LINGO2: variants seen among roughly 807,000 people sequenced by gnomAD.
LINGO2 encodes the protein leucine-rich repeat and immunoglobulin-like domain-containing nogo receptor-interacting protein 2.
LINGO2 carries 14 observed loss-of-function variants against 30.6 expected under a neutral mutation model. The ratio of observed to expected loss-of-function variants is 0.46; its 90% CI spans 0.30 to 0.72. LINGO2 has a LOEUF of 0.72. Among genes scored for constraint, LINGO2 ranks in the 30% least tolerant of loss-of-function variants. LINGO2 has a pLI of 0.07. For missense variants in LINGO2, 729 were observed against 751.7 expected, an observed-to-expected ratio of 0.97 and a Z score of 0.35; for synonymous variants, 317 against 288.5, an observed-to-expected ratio of 1.10 and a Z score of -1.00.
At chr9:28,131,674 A>T (rs1184125702) in intron 4 of LINGO2, among the ~76,000 whole-genome samples, 2 of 152,134 alleles carry the variant, frequency 1.3e-5, no homozygotes, top group Non-Finnish European at 2.9e-5. Context: ...TAATAATCAG[A>T]TGCTTCCAGG....
At chr9:28,185,285 A>G (rs899519211) in intron 4 of LINGO2, among the ~76,000 whole-genome samples, 1 of 152,208 alleles carries the variant, frequency 6.6e-6, no homozygotes, top group South Asian at 2.1e-4. Context: ...TCAATTTTAC[A>G]TAATGCAAGG....
intron 4 of LINGO2, among the ~76,000 whole-genome samples, chr9:28,199,351 T>TCCTCC (rs1290385489): frequency 3.3e-5 from 5 of 149,894 alleles, no homozygotes; most frequent in African/African-American, 7.3e-5. Flanking sequence ...CTTCTTTTTT[T>TCCTCC]TTTTTTGAGA....
rs566100330 is a variant in LINGO2 at position 27,986,891 on chromosome 9, G to A, written c.-36+25464C>T. Among the ~76,000 whole-genome samples, 5 of 151,942 alleles carry A rather than the reference G, an allele frequency of 3.3e-5. No homozygotes were observed. The South Asian group carries it at 1.0e-3, about 32-fold the overall frequency. On this transcript the variant is annotated intron_variant, in intron 5 of 5. Transcript: ENST00000379992. ...GGGGATGTTCTACTATCCAAGAAGA[G>A]GAAGAGCATAAAAGAGGGCTGGCTC...
intron 5 of LINGO2, among the ~76,000 whole-genome samples, chr9:27,975,877 GT>G (rs146110401): frequency 0.017 from 2,535 of 152,090 alleles, 112 homozygotes; most frequent in East Asian, 0.16. Context: ...TGTCTTTTGT[GT>G]TACATTTTCA....
the LINGO2 span, among the ~76,000 whole-genome samples, chr9:29,115,045 A>T: frequency 6.6e-6 from 1 of 152,102 alleles, no homozygotes; most frequent in East Asian, 1.9e-4. Flanking sequence ...ATAATTAGAC[A>T]TTTTTGTCTT....
chr9:28,526,055 C>CA (rs58629857), intron 1 of LINGO2, among the ~76,000 whole-genome samples: 6,081 of 48,234 alleles, frequency 0.13, 811 homozygotes, highest in Non-Finnish European at 0.16. Context: ...GACTCCGTCT[C>CA]AAAAAAAAAA....
chr9:28,991,389 T>C, the LINGO2 span, among the ~76,000 whole-genome samples: 4 of 151,486 alleles, frequency 2.6e-5, no homozygotes, highest in Admixed American at 1.3e-4. Flanking sequence ...CTACGTCTGA[T>C]TGGTGTACCT....
intron 2 of LINGO2, among the ~76,000 whole-genome samples, chr9:28,379,323 G>A (rs1821250661): frequency 6.6e-6 from 1 of 152,034 alleles, no homozygotes; most frequent in South Asian, 2.1e-4. Context: ...CTATTGACAA[G>A]GCTGGCAAAT....
At chr9:28,191,489 A>C (rs1259030256) in intron 4 of LINGO2, among the ~76,000 whole-genome samples, 44 of 152,160 alleles carry the variant, frequency 2.9e-4, no homozygotes, top group Non-Finnish European at 5.9e-5. Flanking sequence ...ATAAAATAAA[A>C]TCACTTGGCT....
chr9:28,849,310 C>T, the LINGO2 span, among the ~76,000 whole-genome samples: 1 of 152,068 alleles, frequency 6.6e-6, no homozygotes, highest in Non-Finnish European at 1.5e-5. Flanking sequence ...ACAACGCTGT[C>T]CCTGGCATGT....
intron 3 of LINGO2, among the ~76,000 whole-genome samples, chr9:28,328,493 T>A (rs1825307923): frequency 1.3e-5 from 2 of 152,090 alleles, no homozygotes; most frequent in Non-Finnish European, 2.9e-5. Flanking sequence ...GGGCTGGTTA[T>A]TATTGTGGGA....
chr9:28,501,360 T>C (rs1819874592), intron 1 of LINGO2, among the ~76,000 whole-genome samples: 1 of 152,124 alleles, frequency 6.6e-6, no homozygotes, highest in South Asian at 2.1e-4. Context: ...GAAGTTTAAA[T>C]AAAATATTAA....
intron 3 of LINGO2, among the ~76,000 whole-genome samples, chr9:28,353,520 T>C (rs1820007611): frequency 6.6e-6 from 1 of 151,908 alleles, no homozygotes; most frequent in Non-Finnish European, 1.5e-5. Flanking sequence ...CTGGAGAGGA[T>C]GTGGAGAAAT....
At chr9:28,797,225 C>A in the LINGO2 span, among the ~76,000 whole-genome samples, 2 of 150,358 alleles carry the variant, frequency 1.3e-5, no homozygotes, top group Non-Finnish European at 3.0e-5. Context: ...GTTCTTTATA[C>A]TGGCAATATA....
the LINGO2 span, among the ~76,000 whole-genome samples, chr9:28,788,465 A>G: frequency 6.6e-6 from 1 of 152,202 alleles, no homozygotes; most frequent in East Asian, 1.9e-4. Flanking sequence ...AGAAGTAGAA[A>G]AGGTAGGCAT....
chr9:28,573,053 A>T (rs2135599833), intron 1 of LINGO2, among the ~76,000 whole-genome samples: 1 of 152,240 alleles, frequency 6.6e-6, no homozygotes, highest in South Asian at 2.1e-4. Flanking sequence ...GTTTTTCAAT[A>T]TCTATTGGCA....
At chr9:28,656,118 C>T (rs1017221804) in intron 1 of LINGO2, among the ~76,000 whole-genome samples, 2 of 151,998 alleles carry the variant, frequency 1.3e-5, no homozygotes, top group African/African-American at 4.8e-5. Flanking sequence ...GATATCCTGG[C>T]TGACCTTCAT....
chr9:28,921,357 C>A, the LINGO2 span, among the ~76,000 whole-genome samples: 1 of 152,028 alleles, frequency 6.6e-6, no homozygotes, highest in Non-Finnish European at 1.5e-5. Flanking sequence ...TCCACCCCCA[C>A]CCCAGAGGCA....
At chr9:28,496,839 T>C (rs1296257120) in intron 1 of LINGO2, among the ~76,000 whole-genome samples, 1 of 152,184 alleles carries the variant, frequency 6.6e-6, no homozygotes, top group Non-Finnish European at 1.5e-5. Context: ...CAGGAGCTCT[T>C]GTAGGGCAGG....
Sources: allele counts gnomAD v4.1 joint callset (sites outside exome capture counted in the v4.1 genomes callset), GRCh38; gene constraint gnomAD v4.1.1; transcripts MANE v1.5; gene names NCBI Gene and HGNC (gene_info 2026-07-23, HGNC 2026-07-21).